The following SCOC variants were observed in gnomAD, a reference collection of about 807,000 sequenced individuals.
The protein encoded by SCOC is short coiled-coil protein.
Under a neutral mutation model 9.9 loss-of-function variants are expected in SCOC, and 7 were observed. That is an observed-to-expected ratio of 0.71 (90% CI 0.40 to 1.33). The LOEUF is 1.33. SCOC is among the 40% of genes most tolerant of loss of function. The pLI is 0.01. For missense variants in SCOC, 66 were observed against 89.7 expected (o/e 0.74, Z 1.07); for synonymous variants, 19 against 28.2 (o/e 0.67, Z 1.03).
At chr4:140,288,256 ATACT>A (rs1466114022) in intron 1 of SCOC, among the ~76,000 whole-genome samples, 1 of 152,058 alleles carries the variant, frequency 6.6e-6, no homozygotes, top group Admixed American at 6.5e-5. Flanking sequence ...AATTCTATAC[ATACT>A]ATGTACACGT....
rs1728599308 is a variant in SCOC, at chr4:140,382,237, GTT to G, written c.*1136_*1137del. The G allele has an allele frequency of 6.6e-6, 1 of 152,140 alleles. No individual in the cohort carries two copies. Among genetic ancestry groups the G allele is most frequent in the African/African-American group, 2.4e-5 (1 of 41,420 alleles). The allele number at this position is 152,140 out of a possible 1,614,324, so 9.4% of individuals were successfully genotyped here. On this transcript the variant is annotated 3_prime_UTR_variant, in exon 4 of 4. Transcript: ENST00000608372. ...TAAACCCTGCTACTGGGTTTGAAGA[GTT>G]TTAGTCATCCTTTAACAATTTTTAA...
intron 2 of SCOC, among the ~76,000 whole-genome samples, chr4:140,353,526 T>C (rs1293416363): frequency 6.6e-6 from 1 of 151,886 alleles, no homozygotes; most frequent in Admixed American, 6.6e-5. Context: ...TTCTCCTGCC[T>C]CATCCTCCTG....
At chr4:140,329,704 C>G (rs1732753760) in intron 1 of SCOC, among the ~76,000 whole-genome samples, 1 of 152,082 alleles carries the variant, frequency 6.6e-6, no homozygotes, top group South Asian at 2.1e-4. Flanking sequence ...GAAAAATGCT[C>G]AATATCACTA....
chr4:140,269,522 G>T (rs1223624438), intron 1 of SCOC, among the ~76,000 whole-genome samples: 2 of 152,114 alleles, frequency 1.3e-5, no homozygotes, highest in Non-Finnish European at 2.9e-5. Flanking sequence ...CCATATAAAT[G>T]AATCAGCCCA....
intron 1 of SCOC, among the ~76,000 whole-genome samples, chr4:140,314,819 G>A (rs1732264948): frequency 6.6e-6 from 1 of 152,128 alleles, no homozygotes; most frequent in Non-Finnish European, 1.5e-5. Context: ...AGGGCCAGGG[G>A]TGCCACTGGG....
chr4:140,288,919 A>G (rs112603317), intron 1 of SCOC, among the ~76,000 whole-genome samples: 44 of 152,072 alleles, frequency 2.9e-4, no homozygotes, highest in African/African-American at 9.2e-4. Flanking sequence ...CATACCACAC[A>G]TACATCACAT....
intron 2 of SCOC, 136 bp downstream of exon 2, chr4:140,379,328 T>A (rs1226863391): frequency 9.5e-6 from 7 of 738,788 alleles, no homozygotes; most frequent in Non-Finnish European, 1.4e-5. Flanking sequence ...TCTCATCTAG[T>A]GTTAGAAAGG....
intron 2 of SCOC, among the ~76,000 whole-genome samples, chr4:140,363,161 G>A (rs1043748621): frequency 6.6e-6 from 1 of 152,154 alleles, no homozygotes; most frequent in African/African-American, 2.4e-5. Context: ...GGACTTGGGG[G>A]ACATAGGTAA....
chr4:140,313,424 G>T (rs527841426), intron 1 of SCOC, among the ~76,000 whole-genome samples: 1 of 152,098 alleles, frequency 6.6e-6, no homozygotes, highest in Admixed American at 6.5e-5. Context: ...GCTAATTTTT[G>T]TACTTTTAAT....
At chr4:140,312,206 C>T (rs1732177275) in intron 1 of SCOC, among the ~76,000 whole-genome samples, 1 of 152,172 alleles carries the variant, frequency 6.6e-6, no homozygotes, top group Non-Finnish European at 1.5e-5. Context: ...ACATGGGCCC[C>T]TCAGTGGAGG....
intron 2 of SCOC, among the ~76,000 whole-genome samples, chr4:140,345,248 T>C (rs550458163): frequency 9.3e-4 from 141 of 152,186 alleles, no homozygotes; most frequent in African/African-American, 3.4e-3. Flanking sequence ...AGGACCAACG[T>C]CCCCTTGCTC....
chr4:140,259,366 G>A (rs1730578899), intron 1 of SCOC, among the ~76,000 whole-genome samples: 1 of 152,106 alleles, frequency 6.6e-6, no homozygotes, highest in African/African-American at 2.4e-5. Flanking sequence ...TTTATCTCAT[G>A]TGTGGTCCAT....
Position 140,380,948 on chromosome 4 carries a change from T to G in SCOC, c.107-14T>G. The G allele has an allele frequency of 6.6e-7, 1 of 1,521,822 alleles. No individual in the cohort carries two copies. The highest frequency in any genetic ancestry group is 8.8e-7 in the Non-Finnish European group (1 of 1,138,766). 94.3% of individuals were successfully genotyped at this position (1,521,822 alleles called of 1,614,324 possible). On this transcript the variant is annotated splice_polypyrimidine_tract_variant and intron_variant, in intron 3 of 3. Transcript: ENST00000608372. ...TTGTTTTATTGATAATGGGCATTTT[T>G]ATTTTTTATATAGATCTCTCTGCAA...
chr4:140,285,063 G>A (rs1731226404), intron 1 of SCOC: 1 of 405,716 alleles, frequency 2.5e-6, no homozygotes, highest in Non-Finnish European at 5.0e-6. Flanking sequence ...AGCTTTCCAT[G>A]CATTATTTCC....
intron 1 of SCOC, among the ~76,000 whole-genome samples, chr4:140,335,707 C>G (rs928330072): frequency 2.0e-5 from 3 of 152,120 alleles, no homozygotes; most frequent in African/African-American, 7.2e-5. Context: ...TCATACAAAG[C>G]TCTGAGAAAG....
intron 2 of SCOC, among the ~76,000 whole-genome samples, chr4:140,352,162 T>C (rs1727008708): frequency 6.6e-6 from 1 of 152,190 alleles, no homozygotes; most frequent in South Asian, 2.1e-4. Flanking sequence ...CACCCTCCAA[T>C]GAATTTGGCT....
chr4:140,304,689 T>TA (rs1297739566), intron 1 of SCOC, among the ~76,000 whole-genome samples: 1 of 152,120 alleles, frequency 6.6e-6, no homozygotes, highest in Non-Finnish European at 1.5e-5. Context: ...GGGAGACTCT[T>TA]AGCTAGATTA....
upstream of SCOC, chr4:140,373,367 C>A (rs1452697624): frequency 6.9e-7 from 1 of 1,441,776 alleles, no homozygotes; most frequent in East Asian, 2.5e-5. Context: ...ACCTGATGAG[C>A]CGCTTCACCA....
intron 1 of SCOC, among the ~76,000 whole-genome samples, chr4:140,261,039 G>C (rs754583546): frequency 6.6e-6 from 1 of 152,168 alleles, no homozygotes; most frequent in Non-Finnish European, 1.5e-5. Flanking sequence ...TATGTGCCAG[G>C]CATCATAGCT....
Sources: allele counts gnomAD v4.1 joint callset (sites outside exome capture counted in the v4.1 genomes callset), GRCh38; gene constraint gnomAD v4.1.1; transcripts MANE v1.5; gene names NCBI Gene and HGNC (gene_info 2026-07-23, HGNC 2026-07-21).